RBFOX1: variants seen among roughly 807,000 people sequenced by gnomAD.
The protein encoded by RBFOX1 is RNA binding fox-1 homolog 1, also known as RNA binding protein fox-1 homolog 1.
In RBFOX1, 8 loss-of-function variants were observed where a neutral mutation model predicts 57.7. That is an observed-to-expected ratio of 0.14 (90% confidence interval 0.08 to 0.25). The LOEUF (loss-of-function observed/expected upper bound fraction) is 0.25, where lower values mean the gene tolerates loss of function less well. Ranked by LOEUF, RBFOX1 falls within the 10% of genes least tolerant of loss-of-function variation. RBFOX1 has a pLI of 1.00. For synonymous variants in RBFOX1, 326 were observed against 222.4 expected (o/e 1.47, Z -4.15); for missense variants, 611 against 548.5 (o/e 1.11, Z -1.14).
intron 2 of RBFOX1, among the ~76,000 whole-genome samples, chr16:6,642,457 G>A (rs2098499808): frequency 6.6e-6 from 1 of 152,062 alleles, no homozygotes; most frequent in Admixed American, 6.6e-5. Context: ...AAACAGGGAT[G>A]CCGTTCTCGG....
chr16:6,944,478 T>A (rs966514409), intron 3 of RBFOX1, among the ~76,000 whole-genome samples: 13 of 151,896 alleles, frequency 8.6e-5, no homozygotes, highest in African/African-American at 3.1e-4. Flanking sequence ...ACATGACTTA[T>A]CTCCACATAG....
intron 3 of RBFOX1, among the ~76,000 whole-genome samples, chr16:6,809,158 T>G (rs1218400936): frequency 6.6e-6 from 1 of 152,210 alleles, no homozygotes; most frequent in Non-Finnish European, 1.5e-5. Context: ...ACTGCTGATT[T>G]CTGTAAGTCA....
intron 4 of RBFOX1, among the ~76,000 whole-genome samples, chr16:7,055,820 C>T (rs2052005502): frequency 6.6e-6 from 1 of 152,186 alleles, no homozygotes; most frequent in Admixed American, 6.5e-5. Context: ...AAGGAATTCA[C>T]AGGGGTCCAC....
chr16:6,970,224 C>T (rs1598718788), intron 3 of RBFOX1, among the ~76,000 whole-genome samples: 1 of 151,976 alleles, frequency 6.6e-6, no homozygotes, highest in Non-Finnish European at 1.5e-5. Flanking sequence ...AATCAAAAAC[C>T]CATGAAAAAC....
At position 5,654,830 on chromosome 16, in the gene RBFOX1, C is replaced by G. The variant is rs545533909; in HGVS notation, c.318+55869C>G. Reference sequence around the variant, plus strand: ...CTGTCCCTCGCTCTCTCCCCACTCTCTCCTTCCCTCGTGGCTTCCATTGTA... The same window carrying G: ...CTGTCCCTCGCTCTCTCCCCACTCTGTCCTTCCCTCGTGGCTTCCATTGTA... On this transcript the variant is annotated intron_variant, in intron 3 of 19. Coordinates refer to the RBFOX1 transcript ENST00000641259. Among the ~76,000 whole-genome samples, 4 of 151,760 alleles carry G rather than the reference C, an allele frequency of 2.6e-5. No homozygotes were observed. The South Asian group carries it at 8.3e-4, about 32-fold the overall frequency.
chr16:6,649,030 T>C (rs575171967), intron 2 of RBFOX1, among the ~76,000 whole-genome samples: 20 of 152,304 alleles, frequency 1.3e-4, no homozygotes, highest in Non-Finnish European at 2.2e-4. Flanking sequence ...GTAGTCACCA[T>C]GTTGTATAAT....
intron 3 of RBFOX1, among the ~76,000 whole-genome samples, chr16:6,933,980 C>A (rs1333161122): frequency 6.6e-6 from 1 of 152,170 alleles, no homozygotes; most frequent in Non-Finnish European, 1.5e-5. Context: ...AAAGTTAATG[C>A]TCATCCTCTC....
chr16:6,596,962 C>T (rs761132401), intron 2 of RBFOX1, among the ~76,000 whole-genome samples: 10 of 152,254 alleles, frequency 6.6e-5, no homozygotes, highest in Non-Finnish European at 1.5e-4. Flanking sequence ...CTGCCACTAG[C>T]ACAGCTTTCT....
chr16:5,706,604 T>G (rs749212643), intron 3 of RBFOX1, among the ~76,000 whole-genome samples: 37 of 152,224 alleles, frequency 2.4e-4, no homozygotes, highest in Non-Finnish European at 4.7e-4. Context: ...TTTTAATAAT[T>G]AAATCTTGCA....
intron 4 of RBFOX1, among the ~76,000 whole-genome samples, chr16:5,959,457 G>C (rs563545871): frequency 6.6e-6 from 1 of 152,262 alleles, no homozygotes; most frequent in East Asian, 1.9e-4. Context: ...TCTTGCTCAG[G>C]AACATACAAT....
At chr16:5,686,225 C>T (rs1209276940) in intron 3 of RBFOX1, among the ~76,000 whole-genome samples, 1 of 152,052 alleles carries the variant, frequency 6.6e-6, no homozygotes. Flanking sequence ...TGGCAGCTGC[C>T]TGGGGAAGGG....
chr16:6,513,427 C>A (rs1226333018), intron 2 of RBFOX1, among the ~76,000 whole-genome samples: 1 of 152,102 alleles, frequency 6.6e-6, no homozygotes, highest in East Asian at 1.9e-4. Context: ...ACTCATGACT[C>A]TGTGTAAAAG....
intron 2 of RBFOX1, among the ~76,000 whole-genome samples, chr16:6,614,205 T>A (rs2098112192): frequency 6.6e-6 from 1 of 152,182 alleles, no homozygotes; most frequent in Admixed American, 6.5e-5. Context: ...AGTAATGAAA[T>A]TCTGATGCAT....
intron 2 of RBFOX1, among the ~76,000 whole-genome samples, chr16:6,452,230 C>G (rs977001831): frequency 6.6e-6 from 1 of 151,460 alleles, no homozygotes; most frequent in Admixed American, 6.6e-5. Context: ...ACCCATGGCT[C>G]CTTCCTTCCA....
At chr16:5,392,760 G>A (rs149259150) in intron 1 of RBFOX1, among the ~76,000 whole-genome samples, 329 of 152,172 alleles carry the variant, frequency 2.2e-3, no homozygotes, top group Middle Eastern at 0.017. Context: ...GGCAAGTAAA[G>A]CCTGCCCTCT....
intron 1 of RBFOX1, among the ~76,000 whole-genome samples, chr16:6,191,710 G>A (rs911514087): frequency 2.0e-5 from 3 of 152,098 alleles, no homozygotes; most frequent in African/African-American, 7.2e-5. Flanking sequence ...TTTTTAAGAT[G>A]TTTTGACTTA....
intron 3 of RBFOX1, among the ~76,000 whole-genome samples, chr16:6,714,161 C>A (rs1393304160): frequency 4.6e-5 from 7 of 152,172 alleles, no homozygotes; most frequent in Non-Finnish European, 1.0e-4. Flanking sequence ...TCTCTCTCAC[C>A]TGCCACCATG....
Position 7,011,519 on chromosome 16 carries a change from T to G in RBFOX1, c.-15-40538T>G, listed in dbSNP as rs77944720. On this transcript the variant is annotated intron_variant, in intron 3 of 15. Transcript: ENST00000550418. ...TGTTGTGCGTTTGTTTTGTTTTGTT[T>G]TGTTTGTTTTTTGAGACGAAGTCTT... Among the ~76,000 whole-genome samples the G allele has an allele frequency of 8.8e-3, 1,340 of 151,786 alleles. 22 individuals are homozygous for G. The highest frequency in any genetic ancestry group is 0.031 in the African/African-American group (1,266 of 41,102).
At chr16:7,328,213 G>T (rs1452247497) in intron 4 of RBFOX1, among the ~76,000 whole-genome samples, 1 of 152,106 alleles carries the variant, frequency 6.6e-6, no homozygotes, top group Non-Finnish European at 1.5e-5. Context: ...TGGGCGCGGT[G>T]GCTCATGCCT....
Sources: gnomAD v4.1 joint callset for allele counts (sites outside exome capture counted in the v4.1 genomes callset) on GRCh38, gnomAD v4.1.1 for gene constraint, MANE v1.5 for transcripts, NCBI Gene and HGNC (gene_info 2026-07-23, HGNC 2026-07-21) for gene names.